The following CNKSR2 variants were observed in gnomAD, a reference collection of about 807,000 sequenced individuals.
CNKSR2 encodes connector enhancer of kinase suppressor of Ras 2, also known as CNK homolog protein 2.
In CNKSR2, 14 loss-of-function variants were observed where a neutral mutation model predicts 84.4. The observed-to-expected ratio is 0.17, with a 90% CI of 0.11 to 0.26. The LOEUF (loss-of-function observed/expected upper bound fraction) is 0.26. Among genes scored for constraint, CNKSR2 ranks in the 10% least tolerant of loss-of-function variants. The probability of loss-of-function intolerance (pLI) is 1.00; values close to 1 mark genes in which losing one functional copy is unlikely to be tolerated. For synonymous variants in CNKSR2, 275 were observed against 277.9 expected, an observed-to-expected ratio of 0.99 and a Z score of 0.10; for missense variants, 485 against 771.2, an observed-to-expected ratio of 0.63 and a Z score of 4.40.
chrX:21,526,902 C>G lies in CNKSR2; in HGVS notation c.993C>G (p.Ala331=), dbSNP rs1297570151. 2.5e-6 allele frequency: 3 copies of G among 1,202,262 alleles called. No individual in the cohort carries two copies. The highest frequency in any genetic ancestry group is 3.4e-6 in the Non-Finnish European group (3 of 889,873). ...CTAGAAGTCCCACAAGCAGCGTTGC[C>G]ACGCCTTCCAGCACCATCAGTACAC... ...LIPRSPTSSV[A]TPSSTISTPT... is the part of the protein sequence containing the mutation. Residue 331 remains alanine (A), a synonymous_variant, in exon 10 of 22, where the codon GCC becomes GCG. Coordinates refer to ENST00000379510, the MANE Select transcript of CNKSR2 (RefSeq NM_014927.5).
At chrX:21,627,754 T>C (rs2092630596) in intron 20 of CNKSR2, among the ~76,000 whole-genome samples, 1 of 111,364 alleles carries the variant, frequency 9.0e-6, no homozygotes, top group African/African-American at 3.3e-5. Flanking sequence ...AGTTATCTCC[T>C]GTTGGGTCCC....
At chrX:21,608,067 T>C (rs891910226) in intron 19 of CNKSR2, 1 of 111,491 alleles carries the variant, frequency 9.0e-6, no homozygotes, top group East Asian at 2.8e-4. Flanking sequence ...GAACAGCTAC[T>C]TAAACATGGC....
chrX:21,645,316 A>G (rs2092703780), intron 20 of CNKSR2: 1 of 112,264 alleles, frequency 8.9e-6, no homozygotes, highest in South Asian at 3.7e-4. Context: ...AAAATTTTAT[A>G]TGCACTCTTT....
At chrX:21,478,373 G>A (rs2091281165) in intron 5 of CNKSR2, among the ~76,000 whole-genome samples, 1 of 111,766 alleles carries the variant, frequency 8.9e-6, no homozygotes. Flanking sequence ...ACATGATAGA[G>A]GTGGAAAATG....
chrX:21,547,981 G>T (rs1442039464), intron 11 of CNKSR2, among the ~76,000 whole-genome samples: 1 of 111,938 alleles, frequency 8.9e-6, no homozygotes, highest in Non-Finnish European at 1.9e-5. Context: ...AAATGGGAAA[G>T]ATCTAAAATC....
intron 11 of CNKSR2, among the ~76,000 whole-genome samples, chrX:21,559,026 T>C (rs776284472): frequency 1.8e-5 from 2 of 110,637 alleles, no homozygotes; most frequent in South Asian, 3.9e-4. Flanking sequence ...CTTCATAACA[T>C]TGAAAATCTG....
chrX:21,408,540 C>A (rs968044494), intron 1 of CNKSR2, among the ~76,000 whole-genome samples: 1 of 111,628 alleles, frequency 9.0e-6, no homozygotes, highest in South Asian at 3.7e-4. Context: ...TAGTGCTTTA[C>A]ATAATATAAA....
chrX:21,386,871 T>C (rs1445707714), intron 1 of CNKSR2, among the ~76,000 whole-genome samples: 1 of 112,226 alleles, frequency 8.9e-6, no homozygotes, highest in Non-Finnish European at 1.9e-5. Flanking sequence ...CTTAGTCTTG[T>C]CTCTCTGACT....
chrX:21,615,606 A>G (rs1010705806), intron 20 of CNKSR2, among the ~76,000 whole-genome samples: 1 of 112,026 alleles, frequency 8.9e-6, no homozygotes, highest in Non-Finnish European at 1.9e-5. Context: ...GTGACACATT[A>G]TAAGTCTGTC....
chrX:21,631,119 C>T (rs749576081), intron 20 of CNKSR2, among the ~76,000 whole-genome samples: 1 of 110,464 alleles, frequency 9.1e-6, no homozygotes, highest in South Asian at 3.8e-4. Flanking sequence ...CCCAGGAGTT[C>T]GAGACCAGCC....
At chrX:21,457,719 C>T (rs937976138) in intron 4 of CNKSR2, among the ~76,000 whole-genome samples, 3 of 111,600 alleles carry the variant, frequency 2.7e-5, no homozygotes, top group Admixed American at 9.5e-5. Flanking sequence ...ACTGCAAGTA[C>T]AGAATTATGG....
chrX:21,389,835 ATTG>A (rs2090023900), intron 1 of CNKSR2, among the ~76,000 whole-genome samples: 1 of 112,625 alleles, frequency 8.9e-6, no homozygotes, highest in Non-Finnish European at 1.9e-5. Flanking sequence ...ATGAATACAT[ATTG>A]TTGTGATTTG....
intron 5 of CNKSR2, among the ~76,000 whole-genome samples, chrX:21,473,392 A>C (rs1330479082): frequency 8.9e-6 from 1 of 112,055 alleles, no homozygotes; most frequent in South Asian, 3.7e-4. Context: ...ATAAAATAGT[A>C]TACAGTACCA....
At chrX:21,649,736 G>C (rs1266481979) in intron 21 of CNKSR2, among the ~76,000 whole-genome samples, 1 of 111,171 alleles carries the variant, frequency 9.0e-6, no homozygotes, top group Non-Finnish European at 1.9e-5. Context: ...TTGAAGGAGA[G>C]GGCCCACCGC....
At chrX:21,385,702 A>G (rs1414470711) in intron 1 of CNKSR2, among the ~76,000 whole-genome samples, 1 of 111,627 alleles carries the variant, frequency 9.0e-6, no homozygotes, top group Non-Finnish European at 1.9e-5. Flanking sequence ...TAATATTTCC[A>G]CCTTGCTTTT....
In CNKSR2 at chrX:21,514,010, G is replaced by C. The variant is rs1471213931; in HGVS notation, c.811-2475G>C. Among the ~76,000 whole-genome samples the C allele has an allele frequency of 3.6e-5, 4 of 111,884 alleles. No homozygotes were observed. The East Asian group carries it at 1.1e-3, about 31-fold the overall frequency. On this transcript the variant is annotated intron_variant, in intron 8 of 21. Transcript: ENST00000379510. The stretch of plus-strand genomic sequence containing the variant: ...AAGTATAAAGAAGAAAGTATGTATT[G>C]CAAGTCCTTACTCCCTTTAATCTAA...
intron 20 of CNKSR2, among the ~76,000 whole-genome samples, chrX:21,630,417 A>G (rs1213346999): frequency 8.9e-6 from 1 of 112,111 alleles, no homozygotes; most frequent in African/African-American, 3.2e-5. Context: ...AGTACTTACT[A>G]TGTGTCAGGC....
chrX:21,437,323 C>T (rs752658643), intron 3 of CNKSR2, among the ~76,000 whole-genome samples: 17 of 110,356 alleles, frequency 1.5e-4, no homozygotes, highest in African/African-American at 5.3e-4. Flanking sequence ...ACCTAGGAAT[C>T]GAAACTCTTT....
intron 20 of CNKSR2, among the ~76,000 whole-genome samples, chrX:21,633,850 GAT>G (rs2092658421): frequency 1.8e-5 from 2 of 111,985 alleles, no homozygotes; most frequent in East Asian, 5.5e-4. Flanking sequence ...TTTTAAAAAG[GAT>G]ATTCTTCATA....
Sources: gnomAD v4.1 joint callset for allele counts (sites outside exome capture counted in the v4.1 genomes callset) on GRCh38, gnomAD v4.1.1 for gene constraint, MANE v1.5 for transcripts, NCBI Gene and HGNC (gene_info 2026-07-23, HGNC 2026-07-21) for gene names.